GRIP1: variants seen among roughly 807,000 people sequenced by gnomAD.
GRIP1 encodes glutamate receptor-interacting protein 1.
Under a neutral mutation model 129.9 loss-of-function variants are expected in GRIP1, and 45 were observed. The observed-to-expected ratio is 0.35, with a 90% CI of 0.27 to 0.44. The LOEUF is 0.44. Among genes scored for constraint, GRIP1 ranks in the 20% least tolerant of loss-of-function variants. GRIP1 has a pLI of 1.00. For missense variants in GRIP1, 1,196 were observed against 1,396.8 expected (o/e 0.86, Z 2.29); for synonymous variants, 530 against 520.8 (o/e 1.02, Z -0.24).
chr12:67,022,630 G>A (rs1472002014), intron 1 of GRIP1, among the ~76,000 whole-genome samples: 1 of 152,130 alleles, frequency 6.6e-6, no homozygotes, highest in Non-Finnish European at 1.5e-5. Flanking sequence ...TTAACAATTT[G>A]AATAGATTTG....
chr12:66,838,111 G>A (rs548728712), intron 1 of GRIP1, among the ~76,000 whole-genome samples: 12 of 151,350 alleles, frequency 7.9e-5, no homozygotes, highest in South Asian at 4.2e-4. Context: ...GCTTGAACCC[G>A]GAAGGCAGGG....
chr12:66,380,414 C>T (rs891721547), intron 19 of GRIP1, among the ~76,000 whole-genome samples: 5 of 152,154 alleles, frequency 3.3e-5, no homozygotes, highest in South Asian at 2.1e-4. Context: ...AGAAGGGCAA[C>T]GGATGTCAGG....
At chr12:66,776,852 C>T (rs1046324721) in intron 1 of GRIP1, among the ~76,000 whole-genome samples, 1 of 152,164 alleles carries the variant, frequency 6.6e-6, no homozygotes, top group African/African-American at 2.4e-5. Flanking sequence ...GGATCACATA[C>T]ATTTGTACAG....
chr12:66,695,642 C>T (rs1250099357), intron 1 of GRIP1, among the ~76,000 whole-genome samples: 2 of 152,130 alleles, frequency 1.3e-5, no homozygotes, highest in African/African-American at 4.8e-5. Flanking sequence ...ACTAGAGGTA[C>T]AAAATTGAGG....
chr12:66,676,428 C>T (rs1387078548), intron 1 of GRIP1, among the ~76,000 whole-genome samples: 1 of 152,126 alleles, frequency 6.6e-6, no homozygotes, highest in East Asian at 1.9e-4. Flanking sequence ...AGTCATGAAG[C>T]AAACTTCCCC....
intron 1 of GRIP1, among the ~76,000 whole-genome samples, chr12:67,048,790 C>G (rs1464175215): frequency 6.6e-6 from 1 of 152,120 alleles, no homozygotes; most frequent in African/African-American, 2.4e-5. Flanking sequence ...TGAAAGTTTC[C>G]CCACACAAGT....
intron 4 of GRIP1, among the ~76,000 whole-genome samples, 195 bp downstream of exon 4, chr12:66,538,883 G>A (rs542549493): frequency 2.6e-5 from 4 of 152,276 alleles, no homozygotes; most frequent in African/African-American, 9.6e-5. Context: ...GATTATAGAC[G>A]TGAGCCACCG....
At chr12:66,477,567 C>T (rs1382092463) in intron 7 of GRIP1, among the ~76,000 whole-genome samples, 1 of 152,062 alleles carries the variant, frequency 6.6e-6, no homozygotes, top group Non-Finnish European at 1.5e-5. Flanking sequence ...GCCTGCATTG[C>T]CAAGTCAATC....
chr12:66,720,071 T>G lies in GRIP1; in HGVS notation c.-420+83982A>C, dbSNP rs550269762. On this transcript the variant is annotated intron_variant, in intron 1 of 4. Transcript: ENST00000538373. ...CAGACATTATAAATGCTGACTTATC[T>G]AATTTTATCAAAATAGGTAGATACA... 4.4e-4 allele frequency among the ~76,000 whole-genome samples: 67 copies of G among 152,328 alleles called. 1 individual carries two copies. Among genetic ancestry groups the G allele is most frequent in the African/African-American group, 1.6e-3 (67 of 41,598 alleles).
At chr12:66,766,675 C>T (rs1374944492) in intron 1 of GRIP1, among the ~76,000 whole-genome samples, 3 of 151,902 alleles carry the variant, frequency 2.0e-5, no homozygotes, top group Admixed American at 2.0e-4. Context: ...AGTAACAGTA[C>T]AGGAGGTTCT....
At chr12:66,622,019 A>G (rs2065289697) in intron 1 of GRIP1, among the ~76,000 whole-genome samples, 1 of 152,142 alleles carries the variant, frequency 6.6e-6, no homozygotes, top group Non-Finnish European at 1.5e-5. Flanking sequence ...ATGATCTGCA[A>G]ATATTTTCTC....
intron 1 of GRIP1, among the ~76,000 whole-genome samples, chr12:66,960,366 T>A (rs1259209227): frequency 6.6e-6 from 1 of 152,138 alleles, no homozygotes; most frequent in African/African-American, 2.4e-5. Context: ...CAACAGCACT[T>A]AGCAATTGAC....
intron 11 of GRIP1, among the ~76,000 whole-genome samples, chr12:66,454,417 GC>G (rs1418075322): frequency 6.6e-6 from 1 of 152,090 alleles, no homozygotes; most frequent in Non-Finnish European, 1.5e-5. Flanking sequence ...CATAATCATG[GC>G]CATCAAAAGG....
intron 1 of GRIP1, among the ~76,000 whole-genome samples, chr12:66,733,435 A>G (rs1489886036): frequency 6.6e-6 from 1 of 152,162 alleles, no homozygotes; most frequent in Admixed American, 6.5e-5. Flanking sequence ...AGTGCCTTAA[A>G]GCAGAGGGCT....
intron 7 of GRIP1, among the ~76,000 whole-genome samples, chr12:66,503,714 C>T (rs2060451963): frequency 6.6e-6 from 1 of 152,090 alleles, no homozygotes; most frequent in African/African-American, 2.4e-5. Context: ...CATGTGCCCC[C>T]TGAGCTGAAA....
chr12:67,062,627 T>A (rs571412007), intron 1 of GRIP1, among the ~76,000 whole-genome samples: 1 of 152,316 alleles, frequency 6.6e-6, no homozygotes, highest in East Asian at 1.9e-4. Flanking sequence ...TAGAGTTATC[T>A]GTCATAGCCC....
chr12:66,724,985 A>C (rs1463942237), intron 1 of GRIP1, among the ~76,000 whole-genome samples: 2 of 152,188 alleles, frequency 1.3e-5, no homozygotes, highest in Non-Finnish European at 2.9e-5. Context: ...AGAGCCTTTT[A>C]AAAATACATT....
chr12:67,047,673 C>T (rs370117090), intron 1 of GRIP1, among the ~76,000 whole-genome samples: 11 of 152,140 alleles, frequency 7.2e-5, no homozygotes, highest in Admixed American at 1.3e-4. Context: ...ACCCCATTAC[C>T]GAAGCACTGC....
In GRIP1 at chr12:66,802,129, T is replaced by C. The variant is rs576730677; in HGVS notation, c.-420+1924A>G. On this transcript the variant is annotated intron_variant, in intron 1 of 4. Coordinates refer to the GRIP1 transcript ENST00000538373. The stretch of plus-strand genomic sequence containing the variant: ...TGCACTGAGAAGTCATTGTATTATA[T>C]GACTTATCTTCTTTAAAAGCCCTGG... 6.0e-4 allele frequency among the ~76,000 whole-genome samples: 91 copies of C among 152,240 alleles called. 1 individual carries two copies. Among genetic ancestry groups the C allele is most frequent in the Admixed American group, 9.8e-4 (15 of 15,282 alleles).
Sources: gnomAD v4.1 joint callset for allele counts (sites outside exome capture counted in the v4.1 genomes callset) on GRCh38, gnomAD v4.1.1 for gene constraint, MANE v1.5 for transcripts, NCBI Gene and HGNC (gene_info 2026-07-23, HGNC 2026-07-21) for gene names.